Variants in CSMD3 observed in about 807,000 individuals in gnomAD.
CSMD3 encodes the protein CUB and sushi domain-containing protein 3.
Under a neutral mutation model 435.2 loss-of-function variants are expected in CSMD3, and 177 were observed. The ratio of observed to expected loss-of-function variants is 0.41; its 90% confidence interval spans 0.36 to 0.46. The LOEUF (loss-of-function observed/expected upper bound fraction) is 0.46, where lower values mean the gene tolerates loss of function less well. CSMD3 is among the 20% of genes least tolerant of loss of function. The pLI is 0.34. For synonymous variants in CSMD3, 1,656 were observed against 1,520.5 expected (o/e 1.09, Z -2.07); for missense variants, 4,265 against 4,504.6 (o/e 0.95, Z 1.52).
chr8:112,920,667 T>A (rs1285491133), intron 10 of CSMD3, among the ~76,000 whole-genome samples: 1 of 151,840 alleles, frequency 6.6e-6, no homozygotes, highest in Non-Finnish European at 1.5e-5. Context: ...GTAGTCAAAT[T>A]GACTTATAAT....
intron 1 of CSMD3, among the ~76,000 whole-genome samples, chr8:113,315,957 G>T (rs2093906818): frequency 6.6e-6 from 1 of 151,968 alleles, no homozygotes; most frequent in African/African-American, 2.4e-5. Flanking sequence ...GACCTCAGGT[G>T]ATCCACCCAC....
intron 2 of CSMD3, among the ~76,000 whole-genome samples, chr8:113,302,232 A>AATATAATATATATTATATAAAAT (rs2093774931): frequency 9.8e-5 from 2 of 20,426 alleles, no homozygotes; most frequent in East Asian, 2.6e-3. Context: ...AATATAATAT[A>AATATAATATATATTATATAAAAT]ATATATAATA....
At chr8:112,536,520 C>G (rs1470304170) in intron 27 of CSMD3, among the ~76,000 whole-genome samples, 3 of 152,088 alleles carry the variant, frequency 2.0e-5, no homozygotes, top group Non-Finnish European at 4.4e-5. Flanking sequence ...AGTCAGGAAA[C>G]AAGTGCTGGA....
At chr8:113,328,697 T>A (rs1468275625) in intron 1 of CSMD3, among the ~76,000 whole-genome samples, 1 of 150,378 alleles carries the variant, frequency 6.6e-6, no homozygotes, top group Non-Finnish European at 1.5e-5. Context: ...AAATACCATG[T>A]TTTCTTTTCT....
At chr8:112,953,776 G>T (rs1020201161) in intron 8 of CSMD3, among the ~76,000 whole-genome samples, 1 of 151,058 alleles carries the variant, frequency 6.6e-6, no homozygotes. Context: ...TTTTGTTAAA[G>T]AAATAATTAT....
intron 12 of CSMD3, among the ~76,000 whole-genome samples, chr8:112,809,080 G>C (rs2079160501): frequency 6.6e-6 from 1 of 152,052 alleles, no homozygotes; most frequent in Non-Finnish European, 1.5e-5. Flanking sequence ...TTTCCCCTTT[G>C]AACTAATGGT....
intron 4 of CSMD3, among the ~76,000 whole-genome samples, chr8:113,133,582 T>C (rs1416207040): frequency 6.6e-6 from 1 of 152,150 alleles, no homozygotes; most frequent in African/African-American, 2.4e-5. Context: ...CTTGTGGGTT[T>C]ATCTCCAAAA....
intron 3 of CSMD3, among the ~76,000 whole-genome samples, chr8:113,244,621 A>T (rs2093256595): frequency 6.6e-6 from 1 of 151,994 alleles, no homozygotes; most frequent in Non-Finnish European, 1.5e-5. Context: ...GCCTACATTA[A>T]TTTTTTATGG....
chr8:113,200,448 A>G lies in CSMD3; in HGVS notation c.515-26532T>C, dbSNP rs187564789. ...AATCATAACATGTCACTCCCAGTTT[A>G]AATGTTTCAACTGACTCTCATTTTG... On this transcript the variant is annotated intron_variant, in intron 3 of 70. Transcript: ENST00000297405. Among the ~76,000 whole-genome samples the G allele has an allele frequency of 3.9e-3, 592 of 151,888 alleles. 15 individuals are homozygous for G. Among genetic ancestry groups the G allele is most frequent in the Admixed American group, 0.036 (549 of 15,162 alleles).
intron 22 of CSMD3, among the ~76,000 whole-genome samples, chr8:112,634,194 G>T (rs2074593770): frequency 6.6e-6 from 1 of 151,710 alleles, no homozygotes; most frequent in Non-Finnish European, 1.5e-5. Flanking sequence ...CTGCTCAGAT[G>T]AATGGCTACA....
chr8:112,225,016 C>A (rs2129770301), intron 70 of CSMD3, 86 bp from the exon 71 acceptor site: 1 of 1,251,734 alleles, frequency 8.0e-7, no homozygotes, highest in South Asian at 1.2e-5. Context: ...ACATCGTTAG[C>A]AGATAATGTA....
At chr8:112,463,843 C>T (rs549435044) in intron 32 of CSMD3, among the ~76,000 whole-genome samples, 2 of 152,176 alleles carry the variant, frequency 1.3e-5, no homozygotes, top group Non-Finnish European at 2.9e-5. Flanking sequence ...CTGTGCAATA[C>T]ATGGGCTCAC....
intron 58 of CSMD3, 151 bp from the exon 59 acceptor site, chr8:112,281,501 C>G: frequency 1.5e-6 from 1 of 647,602 alleles, no homozygotes; most frequent in Non-Finnish European, 2.7e-6. Flanking sequence ...AGTTGAAATT[C>G]AAGATGAATG....
rs1289204924 is a variant in CSMD3, at chr8:112,326,088, T to A, written c.7166-6107A>T. 2.0e-5 allele frequency among the ~76,000 whole-genome samples: 3 copies of A among 152,308 alleles called. No individual in the cohort carries two copies. The East Asian group carries it at 5.8e-4, about 29-fold the overall frequency. Reference sequence around the variant, plus strand: ...CTTTTCTTAACTTTCACTTCTTATGTATAAAGGACATTTTGATTTGGCAAT... The same window carrying A: ...CTTTTCTTAACTTTCACTTCTTATGAATAAAGGACATTTTGATTTGGCAAT... On this transcript the variant is annotated intron_variant, in intron 45 of 70. Coordinates refer to ENST00000297405, the MANE Select transcript of CSMD3 (RefSeq NM_198123.2).
chr8:112,312,580 C>T (rs1822092477), intron 49 of CSMD3, among the ~76,000 whole-genome samples: 2 of 152,028 alleles, frequency 1.3e-5, no homozygotes, highest in South Asian at 4.1e-4. Context: ...TAAAACACGT[C>T]TACTTTGATT....
chr8:113,014,413 G>A (rs947280872), intron 6 of CSMD3, among the ~76,000 whole-genome samples: 4 of 152,050 alleles, frequency 2.6e-5, no homozygotes, highest in South Asian at 4.1e-4. Context: ...TATGCCTACC[G>A]CTTGGTGGGG....
chr8:112,892,982 T>C (rs1587599135), intron 10 of CSMD3, among the ~76,000 whole-genome samples: 1 of 151,350 alleles, frequency 6.6e-6, no homozygotes, highest in African/African-American at 2.4e-5. Context: ...AATAGATAAA[T>C]TAAGTCAATA....
intron 45 of CSMD3, among the ~76,000 whole-genome samples, chr8:112,321,147 T>A (rs1226723515): frequency 6.6e-6 from 1 of 152,136 alleles, no homozygotes; most frequent in Non-Finnish European, 1.5e-5. Context: ...TATACTATTA[T>A]AACATCTGAG....
intron 27 of CSMD3, among the ~76,000 whole-genome samples, chr8:112,534,830 C>G (rs1370021415): frequency 6.6e-6 from 1 of 152,082 alleles, no homozygotes; most frequent in Non-Finnish European, 1.5e-5. Flanking sequence ...AGTTTATCCA[C>G]CATGATCAAG....
Sources: gnomAD v4.1 joint callset for allele counts (sites outside exome capture counted in the v4.1 genomes callset) on GRCh38, gnomAD v4.1.1 for gene constraint, MANE v1.5 for transcripts, NCBI Gene and HGNC (gene_info 2026-07-23, HGNC 2026-07-21) for gene names.